Variants in KIF26B observed in about 807,000 individuals in gnomAD.
KIF26B encodes kinesin-like protein KIF26B.
A neutral mutation model predicts 151.2 loss-of-function variants in KIF26B; 63 were observed. The observed-to-expected ratio is 0.42, with a 90% CI of 0.34 to 0.51. The LOEUF (loss-of-function observed/expected upper bound fraction) is 0.51. Ranked by LOEUF, KIF26B falls within the 20% of genes least tolerant of loss-of-function variation. The probability of loss-of-function intolerance (pLI) is 0.07; values close to 1 mark genes in which losing one functional copy is unlikely to be tolerated. For missense variants in KIF26B, 2,813 were observed against 2,913.6 expected, an observed-to-expected ratio of 0.97 and a Z score of 0.79; for synonymous variants, 1,357 against 1,262.1, an observed-to-expected ratio of 1.08 and a Z score of -1.59.
chr1:245,696,562 A>G (rs1265986749), intron 12 of KIF26B, among the ~76,000 whole-genome samples: 1 of 151,942 alleles, frequency 6.6e-6, no homozygotes, highest in African/African-American at 2.4e-5. Context: ...GCCATTTGGA[A>G]GCTAGAGTTG....
intron 5 of KIF26B, among the ~76,000 whole-genome samples, chr1:245,577,363 G>A (rs1388950150): frequency 1.3e-5 from 2 of 151,106 alleles, no homozygotes; most frequent in East Asian, 3.9e-4. Context: ...ATAAGACACG[G>A]GTGTCCCGAC....
chr1:245,643,838 A>G (rs1436631648), intron 9 of KIF26B, among the ~76,000 whole-genome samples: 1 of 152,188 alleles, frequency 6.6e-6, no homozygotes, highest in Non-Finnish European at 1.5e-5. Flanking sequence ...TCTCACCTGT[A>G]TTTCCAATGA....
chr1:245,594,740 T>G (rs2043322802), intron 5 of KIF26B, among the ~76,000 whole-genome samples: 1 of 152,220 alleles, frequency 6.6e-6, no homozygotes, highest in South Asian at 2.1e-4. Flanking sequence ...TAGCATTGAA[T>G]CTATAAATTA....
intron 9 of KIF26B, among the ~76,000 whole-genome samples, chr1:245,640,141 C>A (rs144892565): frequency 0.081 from 2,551 of 31,672 alleles, 293 homozygotes; most frequent in African/African-American, 0.21. Flanking sequence ...CTCTCTCTCT[C>A]TCTATATATA....
intron 5 of KIF26B, among the ~76,000 whole-genome samples, chr1:245,559,171 C>T (rs2103114911): frequency 6.6e-6 from 1 of 152,156 alleles, no homozygotes; most frequent in African/African-American, 2.4e-5. Context: ...GTAGGGAGAC[C>T]CCATCTCTAC....
intron 2 of KIF26B, among the ~76,000 whole-genome samples, chr1:245,201,740 C>T (rs1439211091): frequency 6.6e-6 from 1 of 152,162 alleles, no homozygotes; most frequent in African/African-American, 2.4e-5. Context: ...GGGAGACAAG[C>T]CCCCTTTTTA....
At chr1:245,252,689 A>C (rs543570052) in intron 2 of KIF26B, among the ~76,000 whole-genome samples, 1 of 151,458 alleles carries the variant, frequency 6.6e-6, no homozygotes, top group Non-Finnish European at 1.5e-5. Flanking sequence ...TCATAATTGC[A>C]GATAATATGT....
At chr1:245,445,477 C>T (rs1034823739) in intron 4 of KIF26B, among the ~76,000 whole-genome samples, 3 of 152,062 alleles carry the variant, frequency 2.0e-5, no homozygotes, top group Non-Finnish European at 2.9e-5. Flanking sequence ...TGCGTGCGTG[C>T]GCGTGTGTAT....
intron 4 of KIF26B, among the ~76,000 whole-genome samples, chr1:245,510,124 A>G (rs1051241845): frequency 4.6e-5 from 7 of 152,110 alleles, no homozygotes; most frequent in Non-Finnish European, 7.4e-5. Flanking sequence ...TTCTTTCCTG[A>G]GGCAGGGAAA....
chr1:245,631,615 GAATTAGGAAGAC>G (rs1260848266), intron 9 of KIF26B, among the ~76,000 whole-genome samples: 2 of 152,140 alleles, frequency 1.3e-5, no homozygotes. Context: ...CTGGTTGCGT[GAATTAGGAAGAC>G]TTCCCGCCTC....
chr1:245,687,327 GA>G lies in KIF26B; in HGVS notation c.4350del (p.Glu1451ArgfsTer10), dbSNP rs758678581. The G allele has an allele frequency of 1.2e-6, 2 of 1,600,116 alleles. No homozygotes were observed. The highest frequency in any genetic ancestry group is 1.7e-6 in the Non-Finnish European group (2 of 1,173,882). On this transcript the variant is annotated frameshift_variant, in exon 12 of 15. Coordinates refer to ENST00000407071, the MANE Select transcript of KIF26B (RefSeq NM_018012.4). LOFTEE classifies it high-confidence loss of function. This position sits in a 1 kb window ranked among gnomAD's most constrained non-coding sequence, Gnocchi z 4.9. Reference sequence around the variant, plus strand: ...CGTGGCTGAAACGAGAAGAGGAAGTGAAAAAAGAGACGGCTCATCCCAATGA... The same window carrying G: ...CGTGGCTGAAACGAGAAGAGGAAGTGAAAAAGAGACGGCTCATCCCAATGA... Reference protein sequence around the residue: ...DPWLKREEEVKKETAHPNEEG... With the variant: ...DPWLKREEEVXKETAHPNEEG...
At chr1:245,498,963 G>A (rs1439638151) in intron 4 of KIF26B, among the ~76,000 whole-genome samples, 1 of 152,172 alleles carries the variant, frequency 6.6e-6, no homozygotes, top group Non-Finnish European at 1.5e-5. Flanking sequence ...ATGGGAAGAG[G>A]AAAATTGGCA....
chr1:245,528,781 GT>G, intron 4 of KIF26B, among the ~76,000 whole-genome samples: 1 of 152,300 alleles, frequency 6.6e-6, no homozygotes, highest in Non-Finnish European at 1.5e-5. Context: ...AATGGTTGCT[GT>G]GGCTTAGAGC....
intron 3 of KIF26B, among the ~76,000 whole-genome samples, chr1:245,379,688 C>T (rs1673359121): frequency 1.3e-5 from 2 of 151,776 alleles, no homozygotes; most frequent in South Asian, 2.1e-4. Context: ...GAAATGTCCT[C>T]GGCTGGTCGC....
At chr1:245,652,843 G>A (rs983002891) in intron 10 of KIF26B, among the ~76,000 whole-genome samples, 1 of 152,106 alleles carries the variant, frequency 6.6e-6, no homozygotes, top group Non-Finnish European at 1.5e-5. Context: ...GCAAAGCCAC[G>A]GCTCATGTTT....
intron 4 of KIF26B, among the ~76,000 whole-genome samples, chr1:245,458,863 C>G (rs1374690336): frequency 6.6e-6 from 1 of 152,194 alleles, no homozygotes; most frequent in Non-Finnish European, 1.5e-5. Context: ...TCAAATATGA[C>G]GTGAGCCCAG....
At chr1:245,231,876 G>C (rs1670006439) in intron 2 of KIF26B, among the ~76,000 whole-genome samples, 1 of 152,194 alleles carries the variant, frequency 6.6e-6, no homozygotes, top group African/African-American at 2.4e-5. Flanking sequence ...TTTAAATCCA[G>C]CCCATCTGTC....
At chr1:245,475,187 G>T (rs922571903) in intron 4 of KIF26B, among the ~76,000 whole-genome samples, 6 of 151,816 alleles carry the variant, frequency 4.0e-5, no homozygotes, top group East Asian at 3.8e-4. Flanking sequence ...GCACCCATCT[G>T]CTGGGTTTTG....
intron 4 of KIF26B, among the ~76,000 whole-genome samples, chr1:245,440,740 G>A (rs1014407686): frequency 7.9e-5 from 12 of 152,176 alleles, no homozygotes; most frequent in African/African-American, 1.4e-4. Flanking sequence ...AAAGCGGTCC[G>A]TTATTCCGAG....
Sources: gnomAD v4.1 joint callset for allele counts (sites outside exome capture counted in the v4.1 genomes callset) on GRCh38, gnomAD v4.1.1 for gene constraint, Gnocchi (gnomAD v3.1) non-coding constraint, MANE v1.5 for transcripts, NCBI Gene and HGNC (gene_info 2026-07-23, HGNC 2026-07-21) for gene names.